The following SBK1 variants were observed in gnomAD, a reference collection of about 807,000 sequenced individuals.
SBK1 encodes the protein SH3 domain binding kinase 1.
Under a neutral mutation model 24.4 loss-of-function variants are expected in SBK1, and 11 were observed. That is an observed-to-expected ratio of 0.45 (90% CI 0.28 to 0.75). The LOEUF is 0.75. Among genes scored for constraint, SBK1 ranks in the 30% least tolerant of loss-of-function variants. The probability of loss-of-function intolerance (pLI) is 0.12; values close to 1 mark genes in which losing one functional copy is unlikely to be tolerated. For missense variants in SBK1, 467 were observed against 620.5 expected (o/e 0.75, Z 2.63); for synonymous variants, 308 against 284.4 (o/e 1.08, Z -0.83).
intron 1 of SBK1, among the ~76,000 whole-genome samples, chr16:28,284,525 C>A (rs1463915921): frequency 6.6e-6 from 1 of 152,232 alleles, no homozygotes; most frequent in Non-Finnish European, 1.5e-5. Context: ...CCAGAGCCAT[C>A]GTGAGCAGGA....
intron 1 of SBK1, among the ~76,000 whole-genome samples, chr16:28,271,449 T>C (rs2044464974): frequency 6.6e-6 from 1 of 151,960 alleles, no homozygotes; most frequent in Admixed American, 6.6e-5. Context: ...CTCAGCTACT[T>C]GGGAGGCTGA....
At chr16:28,265,913 G>A (rs564924761) in intron 1 of SBK1, among the ~76,000 whole-genome samples, 18 of 151,340 alleles carry the variant, frequency 1.2e-4, no homozygotes, top group African/African-American at 4.4e-4. Flanking sequence ...AGTGGAGGTT[G>A]TAGTGAGCCA....
At position 28,282,369 on chromosome 16, in the gene SBK1, G is replaced by C. The variant is rs999741302; in HGVS notation, c.257+22867G>C. ...CGCACGGAGGGGAAGGGGAGAAGGAGCCTGAGCACCAGCTGGCTCTCAGCT... is the reference window on the plus strand; with the variant it reads ...CGCACGGAGGGGAAGGGGAGAAGGACCCTGAGCACCAGCTGGCTCTCAGCT... On this transcript the variant is annotated intron_variant, in intron 1 of 3. Transcript: ENST00000671413. Among the ~76,000 whole-genome samples, 15 of 152,236 alleles carry C rather than the reference G, an allele frequency of 9.9e-5. 1 individual carries two copies. Among genetic ancestry groups the C allele is most frequent in the African/African-American group, 3.6e-4 (15 of 41,526 alleles).
At chr16:28,260,409 T>G (rs540952235) in intron 1 of SBK1, among the ~76,000 whole-genome samples, 3 of 152,096 alleles carry the variant, frequency 2.0e-5, no homozygotes, top group Non-Finnish European at 4.4e-5. Flanking sequence ...AGGGGTCACC[T>G]CTGCTCCAGC....
In SBK1 at chr16:28,268,426, T is replaced by TG. The variant is rs534468655; in HGVS notation, c.257+8924_257+8925insG. Among the ~76,000 whole-genome samples, 1,199 of 151,402 alleles carry TG rather than the reference T, an allele frequency of 7.9e-3. 25 individuals are homozygous for TG. The highest frequency in any genetic ancestry group is 0.028 in the African/African-American group (1,148 of 41,236). On this transcript the variant is annotated intron_variant, in intron 1 of 3. Coordinates refer to the SBK1 transcript ENST00000671413. Reference sequence around the variant, plus strand: ...CCTGGCTAATTTTTAAAAATGGGTTTTTTTTTTTTTTGTAAAGATGGGTCT... The same window carrying TG: ...CCTGGCTAATTTTTAAAAATGGGTTTGTTTTTTTTTTTGTAAAGATGGGTCT...
At chr16:28,294,868 C>T (rs2044627693) in intron 1 of SBK1, among the ~76,000 whole-genome samples, 1 of 152,232 alleles carries the variant, frequency 6.6e-6, no homozygotes, top group Non-Finnish European at 1.5e-5. Context: ...GAGGCAGCCA[C>T]CTTCAGCACA....
At chr16:28,294,472 C>T (rs538247265) in intron 1 of SBK1, among the ~76,000 whole-genome samples, 2 of 152,350 alleles carry the variant, frequency 1.3e-5, no homozygotes, top group African/African-American at 2.4e-5. Flanking sequence ...TTCAACAAAC[C>T]TGTCGCCAAT....
Position 28,317,352 on chromosome 16 carries a change from TCA to T in SBK1, c.-7-29_-7-28del, listed in dbSNP as rs2044804499. ...TGGAGGAGGGGACCCTTGCCTGATG[TCA>T]CACTTCATGCTCACCACCCCTACCC... On this transcript the variant is annotated intron_variant, in intron 1 of 3. Transcript: ENST00000341901. This position sits in a 1 kb window ranked among gnomAD's most constrained non-coding sequence, Gnocchi z 4.2. 2 of 1,551,112 alleles carry T rather than the reference TCA, an allele frequency of 1.3e-6. No homozygotes were observed. The highest frequency in any genetic ancestry group is 2.7e-5 in the African/African-American group (2 of 73,642).
intron 1 of SBK1, among the ~76,000 whole-genome samples, chr16:28,271,109 C>T (rs1030229579): frequency 4.6e-5 from 7 of 151,932 alleles, no homozygotes; most frequent in Non-Finnish European, 7.4e-5. Flanking sequence ...GTGATCCACC[C>T]GTCTCAGCCT....
chr16:28,279,349 T>G (rs551419826), intron 1 of SBK1, among the ~76,000 whole-genome samples: 2 of 143,290 alleles, frequency 1.4e-5, no homozygotes, highest in East Asian at 4.1e-4. Context: ...CAGTGAGGTA[T>G]GATTGCACCA....
rs1343202203 is a variant in SBK1, at chr16:28,319,974, G to A, written c.430-102G>A. The A allele has an allele frequency of 8.3e-7, 1 of 1,200,766 alleles. No homozygotes were observed. The highest frequency in any genetic ancestry group is 1.6e-5 in the African/African-American group (1 of 63,004). The allele number at this position is 1,200,766 out of a possible 1,614,324, so 74.4% of individuals were successfully genotyped here. ...TCGCCCCAGTTACTGGGGACAGGGTGGGAGGCGAAAACCGCCTTGCTAGAG... is the reference window on the plus strand; with the variant it reads ...TCGCCCCAGTTACTGGGGACAGGGTAGGAGGCGAAAACCGCCTTGCTAGAG... On this transcript the variant is annotated intron_variant, in intron 3 of 3. Transcript: ENST00000341901. This position sits in a 1 kb window ranked among gnomAD's most constrained non-coding sequence, Gnocchi z 4.0.
At chr16:28,268,093 G>A (rs2044441561) in intron 1 of SBK1, among the ~76,000 whole-genome samples, 1 of 151,952 alleles carries the variant, frequency 6.6e-6, no homozygotes, top group African/African-American at 2.4e-5. Context: ...ACCAGCCTGG[G>A]CAACATGGTG....
chr16:28,303,335 T>G (rs2044692345), intron 1 of SBK1, among the ~76,000 whole-genome samples: 1 of 152,024 alleles, frequency 6.6e-6, no homozygotes, highest in African/African-American at 2.4e-5. Flanking sequence ...AGGTGACTGA[T>G]GATGGCTCAG....
At chr16:28,304,764 C>A (rs970959951) in intron 1 of SBK1, among the ~76,000 whole-genome samples, 1 of 151,652 alleles carries the variant, frequency 6.6e-6, no homozygotes, top group Non-Finnish European at 1.5e-5. Flanking sequence ...CCCGCCACCA[C>A]GCCCAGCTAA....
chr16:28,280,149 A>ATATATATATATGTGTGTGTG (rs1230385223), intron 1 of SBK1, among the ~76,000 whole-genome samples: 1 of 39,418 alleles, frequency 2.5e-5, no homozygotes, highest in African/African-American at 8.2e-5. Flanking sequence ...ATATATATAT[A>ATATATATATATGTGTGTGTG]TGTGTGTGTG....
At chr16:28,307,711 G>A (rs149077263) in intron 1 of SBK1, among the ~76,000 whole-genome samples, 5 of 142,864 alleles carry the variant, frequency 3.5e-5, no homozygotes, top group African/African-American at 1.1e-4. Context: ...CTGCACTCCA[G>A]CCTGGGCAAC....
At position 28,320,639 on chromosome 16, in the gene SBK1, G is replaced by C; in HGVS notation, c.993G>C (p.Lys331Asn). 2.5e-6 allele frequency: 3 copies of C among 1,191,350 alleles called. No individual in the cohort carries two copies. The highest frequency in any genetic ancestry group is 3.1e-6 in the Non-Finnish European group (3 of 960,706). The allele number at this position is 1,191,350 out of a possible 1,614,324, so 73.8% of individuals were successfully genotyped here. A position where few individuals can be genotyped will look rare whatever the true frequency, so the allele number is the denominator to read the frequency against. Residue 331 changes from lysine (K) to asparagine (N), a missense_variant, in exon 4 of 4, where the codon AAG (lysine) becomes AAC (asparagine). By Grantham distance (94) the Lys-to-Asn change is moderately conservative (BLOSUM62 0). This residue lies in a region of SBK1 where 166 missense variants were observed against 146.8 expected (regional missense o/e 1.13). Coordinates refer to ENST00000341901, the MANE Select transcript of SBK1 (RefSeq NM_001024401.3). The surrounding 1 kb of genome is among the most constrained non-coding windows in gnomAD (Gnocchi z 8.5). ...LRRRPSHRAR[K>N]PPGDRPPAAG... ...GCCGGCCCTCGCACCGCGCGCGCAA[G>C]CCCCCCGGGGACCGCCCGCCCGCCG...
At chr16:28,289,727 A>G (rs1184807809), upstream of SBK1, among the ~76,000 whole-genome samples, 1 of 151,438 alleles carries the variant, frequency 6.6e-6, no homozygotes, top group African/African-American at 2.4e-5. Context: ...AGATTGTGCC[A>G]TTGCACTCCA....
At chr16:28,301,069 A>C (rs1390677907) in intron 1 of SBK1, among the ~76,000 whole-genome samples, 1 of 150,712 alleles carries the variant, frequency 6.6e-6, no homozygotes, top group Non-Finnish European at 1.5e-5. Flanking sequence ...CATTCAGCCC[A>C]GTCCCCTTGC....
Sources: allele counts gnomAD v4.1 joint callset (sites outside exome capture counted in the v4.1 genomes callset), GRCh38; gene constraint gnomAD v4.1.1; regional missense constraint gnomAD v4.1.1; non-coding constraint Gnocchi (gnomAD v3.1); transcripts MANE v1.5; gene names NCBI Gene and HGNC (gene_info 2026-07-23, HGNC 2026-07-21).